GSE1: variants seen among roughly 807,000 people sequenced by gnomAD.
GSE1 encodes genetic suppressor element 1.
A neutral mutation model predicts 112.6 loss-of-function variants in GSE1; 32 were observed. The ratio of observed to expected loss-of-function variants is 0.28; its 90% CI spans 0.21 to 0.38. The LOEUF is 0.38. Among genes scored for constraint, GSE1 ranks in the 10% least tolerant of loss-of-function variants. The pLI, the probability that GSE1 is intolerant of heterozygous loss-of-function variation, is 1.00. For missense variants in GSE1, 2,348 were observed against 1,699.2 expected (o/e 1.38, Z -6.71); for synonymous variants, 1,115 against 735.6 (o/e 1.52, Z -8.35).
At chr16:85,647,448 G>A (rs914691741) in intron 2 of GSE1, among the ~76,000 whole-genome samples, 13 of 152,194 alleles carry the variant, frequency 8.5e-5, no homozygotes, top group Non-Finnish European at 1.3e-4. Context: ...CTCATTTTCT[G>A]AAATTTAAAA....
At chr16:85,309,914 G>C (rs1020067625) in intron 1 of GSE1, among the ~76,000 whole-genome samples, 2 of 152,176 alleles carry the variant, frequency 1.3e-5, no homozygotes, top group Non-Finnish European at 2.9e-5. Context: ...TCACGCCCCA[G>C]CTCAGGAACA....
chr16:85,380,845 T>C (rs2047530666), intron 2 of GSE1, among the ~76,000 whole-genome samples: 1 of 152,150 alleles, frequency 6.6e-6, no homozygotes, highest in African/African-American at 2.4e-5. Flanking sequence ...TTCTCCCTGG[T>C]CTTTGCATTT....
chr16:85,482,773 T>C (rs964736128), intron 2 of GSE1, among the ~76,000 whole-genome samples: 1 of 151,974 alleles, frequency 6.6e-6, no homozygotes, highest in African/African-American at 2.4e-5. Context: ...AGGTCAGGAG[T>C]TCGAGACCAG....
At chr16:85,199,687 T>C (rs2074993374) in intron 1 of GSE1, among the ~76,000 whole-genome samples, 1 of 151,964 alleles carries the variant, frequency 6.6e-6, no homozygotes. Context: ...CTCTCTGAAG[T>C]CTAAGTTTGG....
At chr16:85,194,521 AG>A (rs1411117972) in intron 1 of GSE1, among the ~76,000 whole-genome samples, 1 of 152,196 alleles carries the variant, frequency 6.6e-6, no homozygotes, top group Admixed American at 6.5e-5. Flanking sequence ...GTTTTTGAGC[AG>A]GAGATGACTC....
chr16:85,346,633 G>GATA (rs1567702945), intron 1 of GSE1, among the ~76,000 whole-genome samples: 2 of 126,926 alleles, frequency 1.6e-5, no homozygotes, highest in Non-Finnish European at 3.6e-5. Flanking sequence ...GATGGATGAT[G>GATA]GACAGGTAGA....
chr16:85,566,355 G>A (rs144966162), intron 1 of GSE1, among the ~76,000 whole-genome samples: 254 of 152,336 alleles, frequency 1.7e-3, no homozygotes, highest in African/African-American at 5.5e-3. Context: ...GCACAGCGCC[G>A]TGGTCACAAG....
chr16:85,441,211 G>A (rs1049643685), intron 2 of GSE1, among the ~76,000 whole-genome samples: 6 of 152,178 alleles, frequency 3.9e-5, no homozygotes, highest in African/African-American at 1.2e-4. Flanking sequence ...ATTGTAGGAC[G>A]TTTAGCACCA....
chr16:85,407,938 TG>T (rs1196540125), intron 2 of GSE1, among the ~76,000 whole-genome samples: 11 of 40,396 alleles, frequency 2.7e-4, no homozygotes, highest in South Asian at 2.3e-3. Context: ...CAGGCCCCCC[TG>T]GATAATCCTC....
intron 11 of GSE1, among the ~76,000 whole-genome samples, chr16:85,663,992 C>A (rs190554041): frequency 6.6e-6 from 1 of 152,366 alleles, no homozygotes; most frequent in Non-Finnish European, 1.5e-5. Flanking sequence ...CTTAGGTGGT[C>A]TGCTGGGTGT....
chr16:85,623,118 A>T (rs2048842908), intron 1 of GSE1, among the ~76,000 whole-genome samples: 1 of 152,114 alleles, frequency 6.6e-6, no homozygotes, highest in Non-Finnish European at 1.5e-5. Context: ...CTCCTATTTT[A>T]AGACATTGCC....
Position 85,334,069 on chromosome 16 carries a change from C to T in GSE1, c.2284-23394C>T, listed in dbSNP as rs1402731773. Among the ~76,000 whole-genome samples the T allele has an allele frequency of 2.0e-5, 3 of 152,262 alleles. No individual in the cohort carries two copies. In the East Asian group the frequency reaches 5.8e-4, roughly 29 times the overall value. ...CCTCTGCTTTCCTCAGACCCGCTCC[C>T]TCTCCAGCCACTCCCCTGCTCCTGC... On this transcript the variant is annotated intron_variant, in intron 1 of 2. Transcript: ENST00000637419.
intron 2 of GSE1, among the ~76,000 whole-genome samples, chr16:85,361,533 G>T (rs957403991): frequency 3.3e-5 from 5 of 152,210 alleles, no homozygotes; most frequent in Non-Finnish European, 7.3e-5. Flanking sequence ...CTGGCCCCCT[G>T]CCATGGTGGC....
intron 2 of GSE1, among the ~76,000 whole-genome samples, chr16:85,441,428 G>A (rs1011944489): frequency 6.6e-6 from 1 of 152,084 alleles, no homozygotes; most frequent in African/African-American, 2.4e-5. Flanking sequence ...GCTGAGGTGG[G>A]TGGATCACCT....
chr16:85,547,956 G>C (rs986952630), intron 2 of GSE1, among the ~76,000 whole-genome samples: 3 of 151,810 alleles, frequency 2.0e-5, no homozygotes, highest in Non-Finnish European at 2.9e-5. Context: ...GGCCGGGCGA[G>C]GTGGCTCATG....
chr16:85,249,433 G>A (rs1160116612), intron 1 of GSE1, among the ~76,000 whole-genome samples: 1 of 152,236 alleles, frequency 6.6e-6, no homozygotes, highest in East Asian at 1.9e-4. Flanking sequence ...GCAACCCCGA[G>A]GTGAGGCTGC....
chr16:85,399,347 C>T (rs531455490), intron 2 of GSE1, among the ~76,000 whole-genome samples: 61 of 152,270 alleles, frequency 4.0e-4, no homozygotes, highest in Non-Finnish European at 3.8e-4. Context: ...AGGTGGGCTT[C>T]CGGGGGGGTT....
At chr16:85,670,179 G>C (rs2053214536) in intron 14 of GSE1, among the ~76,000 whole-genome samples, 1 of 152,214 alleles carries the variant, frequency 6.6e-6, no homozygotes, top group Non-Finnish European at 1.5e-5. Context: ...TGTGTTGCCT[G>C]TGATTATTCC....
intron 1 of GSE1, among the ~76,000 whole-genome samples, chr16:85,287,717 C>A (rs963682814): frequency 5.3e-5 from 8 of 152,102 alleles, no homozygotes; most frequent in Non-Finnish European, 1.5e-5. Context: ...CCACACCCCC[C>A]GATGCCATTT....
Sources: gnomAD v4.1 joint callset for allele counts (sites outside exome capture counted in the v4.1 genomes callset) on GRCh38, gnomAD v4.1.1 for gene constraint, MANE v1.5 for transcripts, NCBI Gene and HGNC (gene_info 2026-07-23, HGNC 2026-07-21) for gene names.